Variants in FSTL4 observed in about 807,000 individuals in gnomAD.
FSTL4 encodes follistatin-related protein 4.
A neutral mutation model predicts 78.2 loss-of-function variants in FSTL4; 28 were observed. The ratio of observed to expected loss-of-function variants is 0.36; its 90% CI spans 0.27 to 0.49. FSTL4 has a LOEUF of 0.49. Ranked by LOEUF, FSTL4 falls within the 20% of genes least tolerant of loss-of-function variation. The probability of loss-of-function intolerance (pLI) is 0.98; values close to 1 mark genes in which losing one functional copy is unlikely to be tolerated. For missense variants in FSTL4, 922 were observed against 1,084.9 expected (o/e 0.85, Z 2.11); for synonymous variants, 422 against 440.5 (o/e 0.96, Z 0.53).
At chr5:133,669,367 T>C in the FSTL4 span, among the ~76,000 whole-genome samples, 1 of 152,200 alleles carries the variant, frequency 6.6e-6, no homozygotes, top group South Asian at 2.1e-4. Flanking sequence ...CGGGGGCTCA[T>C]CCTCCCTGAG....
the FSTL4 span, among the ~76,000 whole-genome samples, chr5:133,812,984 A>C: frequency 5.9e-5 from 9 of 152,260 alleles, no homozygotes; most frequent in Non-Finnish European, 1.3e-4. Context: ...GTTCAGTGGA[A>C]GATGGCTCCC....
chr5:133,493,760 C>T (rs932277274), intron 3 of FSTL4, among the ~76,000 whole-genome samples: 10 of 152,184 alleles, frequency 6.6e-5, no homozygotes, highest in African/African-American at 1.9e-4. Context: ...ATTTCTCTAA[C>T]CTTCAAGTCC....
Position 133,426,310 on chromosome 5 carries a change from G to A in FSTL4, c.161-25324C>T, listed in dbSNP as rs115196971. 7.7e-3 allele frequency among the ~76,000 whole-genome samples: 1,167 copies of A among 152,314 alleles called. 21 individuals are homozygous for A. The highest frequency in any genetic ancestry group is 0.026 in the African/African-American group (1,061 of 41,570). On this transcript the variant is annotated intron_variant, in intron 3 of 15. Coordinates refer to ENST00000265342, the MANE Select transcript of FSTL4 (RefSeq NM_015082.2). The surrounding 1 kb of genome is among the most constrained non-coding windows in gnomAD (Gnocchi z 5.0). ...GGAGTCTGGGGAGGTGAGAGGGGGA[G>A]ACCTGCCTCCGTGGCTCTCCTGGGC... is the stretch of plus-strand genomic sequence containing the variant.
At chr5:133,775,517 G>T in the FSTL4 span, among the ~76,000 whole-genome samples, 3 of 152,068 alleles carry the variant, frequency 2.0e-5, no homozygotes, top group Admixed American at 1.3e-4. Flanking sequence ...CTAAGGTAAT[G>T]GTATTGACGA....
intron 12 of FSTL4, among the ~76,000 whole-genome samples, chr5:133,217,909 A>AT (rs1316774816): frequency 6.6e-6 from 1 of 152,068 alleles, no homozygotes; most frequent in Non-Finnish European, 1.5e-5. Context: ...GCTGATCTCT[A>AT]TATGCTAGGG....
chr5:133,732,542 G>A, the FSTL4 span, among the ~76,000 whole-genome samples: 7 of 152,124 alleles, frequency 4.6e-5, no homozygotes, highest in South Asian at 2.1e-4. Context: ...AGCAGGTTTC[G>A]TCTCCCCACC....
intron 4 of FSTL4, among the ~76,000 whole-genome samples, chr5:133,329,501 G>C (rs1377805354): frequency 6.6e-6 from 1 of 152,170 alleles, no homozygotes. Context: ...GCAAGCTGAG[G>C]AGCAAGGAGA....
At chr5:133,249,373 G>A (rs1329769241) in intron 7 of FSTL4, 37 bp downstream of exon 7, 1 of 1,562,086 alleles carries the variant, frequency 6.4e-7, no homozygotes, top group African/African-American at 1.4e-5. Flanking sequence ...TCCCAGGGAG[G>A]TGCGCTTGAG....
the FSTL4 span, among the ~76,000 whole-genome samples, chr5:133,816,719 G>A: frequency 6.6e-6 from 1 of 152,198 alleles, no homozygotes; most frequent in Admixed American, 6.5e-5. Context: ...GTTTGTTTGA[G>A]GTCATTGGCT....
At chr5:133,231,125 T>C (rs1305936562) in intron 8 of FSTL4, among the ~76,000 whole-genome samples, 2 of 152,072 alleles carry the variant, frequency 1.3e-5, no homozygotes, top group African/African-American at 4.8e-5. Flanking sequence ...CTGGTCCCCT[T>C]TTCTACTGGA....
the FSTL4 span, among the ~76,000 whole-genome samples, chr5:133,795,685 C>T: frequency 6.6e-6 from 1 of 152,176 alleles, no homozygotes; most frequent in Non-Finnish European, 1.5e-5. Flanking sequence ...AAGACTCTAC[C>T]GCCATAAGGC....
At chr5:133,822,753 C>A in the FSTL4 span, among the ~76,000 whole-genome samples, 2 of 152,148 alleles carry the variant, frequency 1.3e-5, no homozygotes, top group Non-Finnish European at 2.9e-5. Context: ...TATTAAACAT[C>A]CTTTTTCGGA....
At chr5:133,678,777 G>A in the FSTL4 span, among the ~76,000 whole-genome samples, 1 of 152,156 alleles carries the variant, frequency 6.6e-6, no homozygotes. Flanking sequence ...AGATTACCTA[G>A]GGAAGGGAGT....
chr5:133,809,108 G>A, the FSTL4 span, among the ~76,000 whole-genome samples: 7 of 152,008 alleles, frequency 4.6e-5, no homozygotes, highest in African/African-American at 1.7e-4. Flanking sequence ...GCTCACGCCT[G>A]TAATCCTAGC....
the FSTL4 span, among the ~76,000 whole-genome samples, chr5:133,646,283 G>A: frequency 2.0e-5 from 3 of 152,126 alleles, no homozygotes; most frequent in Non-Finnish European, 2.9e-5. Context: ...AAAGTGTCAA[G>A]GCAAAGGAGA....
At chr5:133,323,662 T>A (rs1456400103) in intron 4 of FSTL4, among the ~76,000 whole-genome samples, 5 of 152,202 alleles carry the variant, frequency 3.3e-5, no homozygotes, top group Non-Finnish European at 7.4e-5. Flanking sequence ...GTGCCCTCCA[T>A]GCCACAGGGC....
intron 4 of FSTL4, among the ~76,000 whole-genome samples, chr5:133,367,501 C>T (rs1307980337): frequency 6.6e-6 from 1 of 152,214 alleles, no homozygotes; most frequent in African/African-American, 2.4e-5. Flanking sequence ...TAATTCCTTT[C>T]CAATTAGACC....
intron 3 of FSTL4, among the ~76,000 whole-genome samples, chr5:133,428,550 G>A (rs1756874586): frequency 6.6e-6 from 1 of 152,340 alleles, no homozygotes; most frequent in South Asian, 2.1e-4. Flanking sequence ...CTGGGCATGA[G>A]ACCTGTGTGA....
chr5:133,598,992 C>T (rs533975867), intron 2 of FSTL4, among the ~76,000 whole-genome samples: 5 of 152,278 alleles, frequency 3.3e-5, no homozygotes, highest in African/African-American at 9.6e-5. Context: ...TGAGTACAAA[C>T]ACCAACGGGC....
Sources: gnomAD v4.1 joint callset for allele counts (sites outside exome capture counted in the v4.1 genomes callset) on GRCh38, gnomAD v4.1.1 for gene constraint, Gnocchi (gnomAD v3.1) non-coding constraint, MANE v1.5 for transcripts, NCBI Gene and HGNC (gene_info 2026-07-23, HGNC 2026-07-21) for gene names.